TRIO: variants seen among roughly 807,000 people sequenced by gnomAD.
TRIO encodes the protein triple functional domain protein.
Under a neutral mutation model 351.9 loss-of-function variants are expected in TRIO, and 58 were observed. The ratio of observed to expected loss-of-function variants is 0.16; its 90% CI spans 0.13 to 0.21. The LOEUF (loss-of-function observed/expected upper bound fraction) is 0.21. TRIO is among the 10% of genes least tolerant of loss of function. The probability of loss-of-function intolerance (pLI) is 1.00; values close to 1 mark genes in which losing one functional copy is unlikely to be tolerated. For missense variants in TRIO, 3,201 were observed against 4,027.8 expected, an observed-to-expected ratio of 0.79 and a Z score of 5.56; for synonymous variants, 1,758 against 1,595.7, an observed-to-expected ratio of 1.10 and a Z score of -2.42.
intron 13 of TRIO, among the ~76,000 whole-genome samples, chr5:14,359,803 G>A (rs948337280): frequency 4.6e-5 from 7 of 152,338 alleles, no homozygotes; most frequent in South Asian, 2.1e-4. Flanking sequence ...CACAGCAAGC[G>A]CTGAGCGGAA....
At chr5:14,197,346 G>A (rs769552805) in intron 1 of TRIO, among the ~76,000 whole-genome samples, 2 of 152,144 alleles carry the variant, frequency 1.3e-5, no homozygotes, top group Non-Finnish European at 2.9e-5. Context: ...AGCCCCAGTC[G>A]CAGAGCCTTT....
intron 40 of TRIO, among the ~76,000 whole-genome samples, chr5:14,474,598 A>G (rs778966859): frequency 2.0e-5 from 3 of 152,228 alleles, no homozygotes; most frequent in Non-Finnish European, 4.4e-5. Flanking sequence ...AATTGCAGCC[A>G]TCTTTAGAAT....
intron 9 of TRIO, among the ~76,000 whole-genome samples, chr5:14,318,011 C>T (rs1191488845): frequency 6.6e-6 from 1 of 152,122 alleles, no homozygotes; most frequent in African/African-American, 2.4e-5. Flanking sequence ...CCTGTAATCC[C>T]AGCTATTTGG....
intron 7 of TRIO, among the ~76,000 whole-genome samples, chr5:14,298,554 T>C (rs1737570105): frequency 6.6e-6 from 1 of 152,152 alleles, no homozygotes; most frequent in South Asian, 2.1e-4. Context: ...CTAGAAACAG[T>C]CTCTGTTGAA....
chr5:14,283,581 C>T (rs956520763), intron 3 of TRIO, among the ~76,000 whole-genome samples: 7 of 151,830 alleles, frequency 4.6e-5, no homozygotes, highest in African/African-American at 1.7e-4. Context: ...TCATATTCAC[C>T]CTTCTATTTT....
intron 8 of TRIO, among the ~76,000 whole-genome samples, chr5:14,309,779 C>G (rs1320494573): frequency 6.6e-6 from 1 of 152,184 alleles, no homozygotes; most frequent in Admixed American, 6.5e-5. Context: ...GTTAGGAGTA[C>G]TTATAAGCAG....
chr5:14,481,382 C>T (rs1755500933), intron 44 of TRIO, 98 bp downstream of exon 44: 7 of 1,528,054 alleles, frequency 4.6e-6, no homozygotes, highest in South Asian at 2.3e-5. Context: ...GGGAGGGGGT[C>T]AAAGCAGTGG....
At chr5:14,309,983 G>A (rs2152300724) in intron 8 of TRIO, among the ~76,000 whole-genome samples, 1 of 152,138 alleles carries the variant, frequency 6.6e-6, no homozygotes, top group South Asian at 2.1e-4. Context: ...CAAGACGCAA[G>A]CACCTGCTCT....
At chr5:14,438,767 A>T (rs1479188569) in intron 34 of TRIO, among the ~76,000 whole-genome samples, 2 of 151,900 alleles carry the variant, frequency 1.3e-5, no homozygotes, top group African/African-American at 4.8e-5. Flanking sequence ...TCGGTCATTT[A>T]CTCACCTCCG....
chr5:14,395,604 A>G (rs1747491476), intron 28 of TRIO, among the ~76,000 whole-genome samples: 1 of 152,142 alleles, frequency 6.6e-6, no homozygotes, highest in Non-Finnish European at 1.5e-5. Context: ...ACAGGTAAAC[A>G]CCATCTGGTG....
rs767495419 is a variant in TRIO, at chr5:14,390,978, G to T, written c.4206G>T (p.Gly1402=). Residue 1402 remains glycine (G), a synonymous_variant, in exon 27 of 57, where the codon GGG becomes GGT. Coordinates refer to ENST00000344204, the MANE Select transcript of TRIO (RefSeq NM_007118.4). The part of the protein sequence containing the change: ...DSTQLILEHA[G]SYFDEIQQRH... ...CTCAGCTGATATTGGAACATGCAGG[G>T]TCCTATTTTGACGTAAGTAATAGAT... 2.4e-5 allele frequency: 39 copies of T among 1,606,574 alleles called. No individual in the cohort carries two copies. The highest frequency in any genetic ancestry group is 3.1e-5 in the Non-Finnish European group (37 of 1,177,896).
intron 48 of TRIO, among the ~76,000 whole-genome samples, chr5:14,490,150 G>A (rs957523190): frequency 2.2e-5 from 3 of 136,732 alleles, no homozygotes; most frequent in Admixed American, 1.4e-4. Context: ...GAGCTGGCAC[G>A]CACCTATAGT....
intron 1 of TRIO, among the ~76,000 whole-genome samples, chr5:14,258,636 G>C (rs56164834): frequency 6.6e-6 from 1 of 152,002 alleles, no homozygotes; most frequent in African/African-American, 2.4e-5. Context: ...CTAAAGATAT[G>C]AAACTGCGGA....
intron 1 of TRIO, among the ~76,000 whole-genome samples, chr5:14,226,652 C>T (rs1471196966): frequency 6.6e-6 from 1 of 152,230 alleles, no homozygotes; most frequent in Admixed American, 6.5e-5. Flanking sequence ...ATAATCACAA[C>T]GTTATAGTTT....
At chr5:14,492,905 T>C in intron 49 of TRIO, 91 bp downstream of exon 49, 3 of 1,543,484 alleles carry the variant, frequency 1.9e-6, no homozygotes, top group Non-Finnish European at 1.7e-6. Context: ...GGGGTAAGCA[T>C]GTGGAAGGGA....
chr5:14,172,661 C>T (rs1009014448), intron 1 of TRIO, among the ~76,000 whole-genome samples: 1 of 152,186 alleles, frequency 6.6e-6, no homozygotes, highest in Non-Finnish European at 1.5e-5. Flanking sequence ...AGAGGTGGAG[C>T]CTTCGTGGCA....
chr5:14,268,795 G>A (rs1795833430), intron 1 of TRIO, among the ~76,000 whole-genome samples: 1 of 152,138 alleles, frequency 6.6e-6, no homozygotes, highest in Non-Finnish European at 1.5e-5. Context: ...TTTGAGGGTC[G>A]CTGGGGAGCC....
intron 8 of TRIO, among the ~76,000 whole-genome samples, chr5:14,313,130 G>A (rs1174040687): frequency 6.6e-6 from 1 of 152,230 alleles, no homozygotes; most frequent in Non-Finnish European, 1.5e-5. Context: ...GTGGGTCCAA[G>A]AGGTGTTATC....
intron 41 of TRIO, 35 bp from the exon 42 acceptor site, chr5:14,479,226 G>T: frequency 6.4e-7 from 1 of 1,566,978 alleles, no homozygotes; most frequent in South Asian, 1.1e-5. Flanking sequence ...ATTTCCCATT[G>T]TTATAACCCA....
Sources: allele counts gnomAD v4.1 joint callset (sites outside exome capture counted in the v4.1 genomes callset), GRCh38; gene constraint gnomAD v4.1.1; transcripts MANE v1.5; gene names NCBI Gene and HGNC (gene_info 2026-07-23, HGNC 2026-07-21).